RGS6: variants seen among roughly 807,000 people sequenced by gnomAD.
The protein encoded by RGS6 is regulator of G protein signaling 6, also known as regulator of G-protein signaling 6.
Under a neutral mutation model 78.5 loss-of-function variants are expected in RGS6, and 30 were observed. The ratio of observed to expected loss-of-function variants is 0.38; its 90% CI spans 0.29 to 0.52. RGS6 has a LOEUF of 0.52. Ranked by LOEUF, RGS6 falls within the 20% of genes least tolerant of loss-of-function variation. RGS6 has a pLI of 0.85. For synonymous variants in RGS6, 206 were observed against 206.0 expected, an observed-to-expected ratio of 1.00 and a Z score of 0.00; for missense variants, 495 against 609.7, an observed-to-expected ratio of 0.81 and a Z score of 1.98.
At chr14:72,105,803 G>A (rs912301006) in intron 2 of RGS6, among the ~76,000 whole-genome samples, 4 of 152,214 alleles carry the variant, frequency 2.6e-5, no homozygotes, top group African/African-American at 4.8e-5. Flanking sequence ...CAGTCTTCGA[G>A]AGAGAAGTTC....
chr14:72,173,740 A>G (rs566108573), intron 2 of RGS6, among the ~76,000 whole-genome samples: 1 of 152,222 alleles, frequency 6.6e-6, no homozygotes, highest in African/African-American at 2.4e-5. Flanking sequence ...TAAATAACAT[A>G]CTGGAACCTT....
chr14:72,437,805 T>C (rs1348641199), intron 3 of RGS6, among the ~76,000 whole-genome samples: 1 of 152,220 alleles, frequency 6.6e-6, no homozygotes, highest in African/African-American at 2.4e-5. Context: ...GGGCTTGAAG[T>C]CACTTGTCTG....
intron 2 of RGS6, among the ~76,000 whole-genome samples, chr14:72,067,730 C>A (rs934991387): frequency 6.6e-6 from 1 of 152,084 alleles, no homozygotes; most frequent in South Asian, 2.1e-4. Flanking sequence ...TTGAAGTTTG[C>A]GCGTACAGCT....
At chr14:72,338,504 G>A (rs1041731899) in intron 2 of RGS6, among the ~76,000 whole-genome samples, 2 of 152,314 alleles carry the variant, frequency 1.3e-5, no homozygotes, top group African/African-American at 4.8e-5. Context: ...GGGAATTAAG[G>A]GAGATACACT....
At chr14:72,623,262 A>C in the RGS6 span, among the ~76,000 whole-genome samples, 38 of 152,358 alleles carry the variant, frequency 2.5e-4, 1 homozygote, top group Admixed American at 2.2e-3. Context: ...TTGATTTTAG[A>C]ACCAATAAAT....
chr14:72,036,264 C>T (rs74063012), intron 2 of RGS6, among the ~76,000 whole-genome samples: 19,508 of 149,664 alleles, frequency 0.13, 1,331 homozygotes, highest in East Asian at 0.17. Flanking sequence ...GAACATAACC[C>T]GTTTTGTTTT....
chr14:71,968,263 A>G (rs1225993316), intron 2 of RGS6, among the ~76,000 whole-genome samples: 2 of 152,084 alleles, frequency 1.3e-5, no homozygotes, highest in Admixed American at 6.6e-5. Context: ...CCCCTCCACA[A>G]GGTATTTCTA....
chr14:72,474,420 A>T (rs2096179021), intron 9 of RGS6, among the ~76,000 whole-genome samples: 1 of 152,192 alleles, frequency 6.6e-6, no homozygotes, highest in African/African-American at 2.4e-5. Flanking sequence ...TACCCTCTAC[A>T]TATCATCCTT....
At chr14:72,226,534 G>C (rs892093402) in intron 2 of RGS6, among the ~76,000 whole-genome samples, 2 of 152,154 alleles carry the variant, frequency 1.3e-5, no homozygotes, top group Admixed American at 6.5e-5. Flanking sequence ...TTTATATCAT[G>C]CATATGCTGT....
chr14:72,179,964 A>G (rs1207604449), intron 2 of RGS6, among the ~76,000 whole-genome samples: 2 of 152,210 alleles, frequency 1.3e-5, no homozygotes, highest in Non-Finnish European at 2.9e-5. Flanking sequence ...CACTGTCAGA[A>G]GAACAACTCC....
intron 2 of RGS6, among the ~76,000 whole-genome samples, chr14:72,203,126 C>A (rs186394290): frequency 6.6e-6 from 1 of 152,094 alleles, no homozygotes; most frequent in South Asian, 2.1e-4. Flanking sequence ...CTGCCCGCCT[C>A]GGCCTCCCAA....
intron 17 of RGS6, chr14:72,540,755 C>G (rs1032275104): frequency 1.0e-6 from 1 of 985,190 alleles, no homozygotes; most frequent in Admixed American, 6.1e-5. Context: ...GGGTACTCCC[C>G]GGGGGCAAGG....
intron 2 of RGS6, among the ~76,000 whole-genome samples, chr14:72,257,474 T>C (rs1380065726): frequency 6.6e-6 from 1 of 152,156 alleles, no homozygotes; most frequent in Non-Finnish European, 1.5e-5. Flanking sequence ...TATAAGAGCA[T>C]GTCACTGGGG....
rs60288202 is a variant in RGS6 at position 72,510,139 on chromosome 14, T to C, written c.966-15T>C. ...GGTATTGATCTTCTTTAAACCTTCT[T>C]CCTTCACCCCAAAGCAAAGAGCCCA... On this transcript the variant is annotated splice_polypyrimidine_tract_variant and intron_variant, in intron 13 of 17. Transcript: ENST00000553525. The C allele has an allele frequency of 1.1e-4, 177 of 1,583,026 alleles. No homozygotes were observed. The African/African-American group carries it at 2.3e-3, about 21-fold the overall frequency.
the RGS6 span, among the ~76,000 whole-genome samples, chr14:72,615,605 C>T: frequency 6.6e-6 from 1 of 152,196 alleles, no homozygotes; most frequent in Non-Finnish European, 1.5e-5. Context: ...CCTTCCCTCC[C>T]TTCCACCCAC....
intron 3 of RGS6, among the ~76,000 whole-genome samples, chr14:72,439,775 A>G (rs1046773572): frequency 6.6e-6 from 1 of 152,146 alleles, no homozygotes; most frequent in Non-Finnish European, 1.5e-5. Flanking sequence ...AGAGGGGAGG[A>G]GAGGGAGACC....
chr14:71,889,039 A>C, the RGS6 span, among the ~76,000 whole-genome samples: 2 of 152,176 alleles, frequency 1.3e-5, no homozygotes, highest in East Asian at 3.9e-4. Flanking sequence ...TGATATTGTC[A>C]TGGCCTTCCA....
chr14:72,589,592 G>A, the RGS6 span, among the ~76,000 whole-genome samples: 1 of 127,590 alleles, frequency 7.8e-6, no homozygotes, highest in African/African-American at 2.8e-5. Flanking sequence ...GAAGCAATAT[G>A]TCACTATATA....
In RGS6 at chr14:72,474,666, T is replaced by C; in HGVS notation, c.660T>C (p.Cys220=). 2 of 1,613,696 alleles carry C rather than the reference T, an allele frequency of 1.2e-6. No homozygotes were observed. The highest frequency in any genetic ancestry group is 1.7e-6 in the Non-Finnish European group (2 of 1,179,838). ...VNTTEMDIRK[C]RRLKNPQKVK... ...CAACAGAAATGGATATCCGAAAATGTCGACGTTTGAAGAATCCACAAAAGG... is the reference window on the plus strand; with the variant it reads ...CAACAGAAATGGATATCCGAAAATGCCGACGTTTGAAGAATCCACAAAAGG... The change falls in exon 10 of 18, where the codon TGT becomes TGC. Residue 220 remains cysteine (C), a synonymous_variant. Coordinates refer to ENST00000553525, the MANE Select transcript of RGS6 (RefSeq NM_001204424.2).
Sources: allele counts gnomAD v4.1 joint callset (sites outside exome capture counted in the v4.1 genomes callset), GRCh38; gene constraint gnomAD v4.1.1; transcripts MANE v1.5; gene names NCBI Gene and HGNC (gene_info 2026-07-23, HGNC 2026-07-21).